The following NSDHL variants were observed in gnomAD, a reference collection of about 807,000 sequenced individuals.
NSDHL encodes sterol-4-alpha-carboxylate 3-dehydrogenase, decarboxylating.
In NSDHL, 1 loss-of-function variant was observed where a neutral mutation model predicts 23.0. That is an observed-to-expected ratio of 0.04 (90% CI 0.02 to 0.21). The LOEUF (loss-of-function observed/expected upper bound fraction) is 0.21, where lower values mean the gene tolerates loss of function less well. Ranked by LOEUF, NSDHL falls within the 10% of genes least tolerant of loss-of-function variation. The pLI, the probability that NSDHL is intolerant of heterozygous loss-of-function variation, is 1.00. For synonymous variants in NSDHL, 128 were observed against 121.1 expected (o/e 1.06, Z -0.37); for missense variants, 237 against 300.9 (o/e 0.79, Z 1.57).
intron 3 of NSDHL, among the ~76,000 whole-genome samples, chrX:152,854,223 C>T (rs1933404744): frequency 9.0e-6 from 1 of 110,666 alleles, no homozygotes; most frequent in South Asian, 3.8e-4. Flanking sequence ...ACTGCTCAGC[C>T]GCAAGCGTGG....
intron 5 of NSDHL, among the ~76,000 whole-genome samples, chrX:152,863,742 G>T (rs782757937): frequency 9.0e-6 from 1 of 111,114 alleles, no homozygotes; most frequent in South Asian, 3.8e-4. Flanking sequence ...GTGCTCCTGA[G>T]CCTGGGATAG....
At chrX:152,849,413 C>T (rs782311517) in intron 2 of NSDHL, among the ~76,000 whole-genome samples, 14 of 111,826 alleles carry the variant, frequency 1.3e-4, no homozygotes, top group African/African-American at 2.0e-4. Context: ...CCATAGCCAG[C>T]TTGTCTGGTG....
intron 5 of NSDHL, among the ~76,000 whole-genome samples, chrX:152,864,454 C>T (rs1242806224): frequency 1.8e-5 from 2 of 112,206 alleles, no homozygotes; most frequent in East Asian, 5.7e-4. Flanking sequence ...CCCAATATGC[C>T]TGATACTGAT....
intron 1 of NSDHL, among the ~76,000 whole-genome samples, chrX:152,835,966 G>C (rs1252522896): frequency 8.9e-6 from 1 of 112,140 alleles, no homozygotes; most frequent in Non-Finnish European, 1.9e-5. Flanking sequence ...AGTATCTGTT[G>C]TTTCCTGACT....
At chrX:152,864,472 A>G (rs902122935) in intron 5 of NSDHL, among the ~76,000 whole-genome samples, 27 of 112,120 alleles carry the variant, frequency 2.4e-4, no homozygotes, top group Non-Finnish European at 3.8e-5. Context: ...GATTGCCACC[A>G]GAGCTGAGCC....
intron 1 of NSDHL, among the ~76,000 whole-genome samples, chrX:152,839,728 T>A (rs200277089): frequency 8.9e-6 from 1 of 112,609 alleles, no homozygotes; most frequent in Non-Finnish European, 1.9e-5. Context: ...GGCTGCCCTT[T>A]ACATTTTTTC....
At chrX:152,832,263 T>C (rs1293061100) in intron 1 of NSDHL, among the ~76,000 whole-genome samples, 4 of 112,044 alleles carry the variant, frequency 3.6e-5, no homozygotes, top group Admixed American at 9.4e-5. Context: ...TACTTTTTTT[T>C]CCAACAGTTC....
intron 5 of NSDHL, among the ~76,000 whole-genome samples, chrX:152,864,820 C>T: frequency 8.9e-6 from 1 of 111,820 alleles, no homozygotes; most frequent in East Asian, 2.8e-4. Flanking sequence ...GGAGGGCCAG[C>T]TCTGGGAATC....
intron 7 of NSDHL, among the ~76,000 whole-genome samples, chrX:152,868,432 C>T (rs1933645827): frequency 1.8e-5 from 2 of 111,745 alleles, no homozygotes; most frequent in South Asian, 7.4e-4. Flanking sequence ...CGCGCCTGGC[C>T]CGGGTGTGGC....
rs1265793576 is a variant in NSDHL at position 152,848,518 on chromosome X, G to A, written c.109-1747G>A. On this transcript the variant is annotated intron_variant, in intron 2 of 7. Transcript: ENST00000370274. ...ATAATCCACGTCACATTGTCCAAGAGTAGCGTACTGATTAGTCACAATTAA... is the reference window on the plus strand; with the variant it reads ...ATAATCCACGTCACATTGTCCAAGAATAGCGTACTGATTAGTCACAATTAA... 2.7e-5 allele frequency among the ~76,000 whole-genome samples: 3 copies of A among 112,798 alleles called. No homozygotes were observed. In the East Asian group the frequency reaches 8.3e-4, roughly 31 times the overall value.
At chrX:152,846,245 G>C (rs1933271632) in intron 1 of NSDHL, 37 bp from the exon 2 acceptor site, 16 of 739,994 alleles carry the variant, frequency 2.2e-5, no homozygotes, top group Non-Finnish European at 3.2e-5. Flanking sequence ...TTTTGACTTA[G>C]GCAACATTAA....
At position 152,850,380 on chromosome X, in the gene NSDHL, A is replaced by G. The variant is rs1933337544; in HGVS notation, c.224A>G (p.Asn75Ser). 1 of 1,208,959 alleles carries G rather than the reference A, an allele frequency of 8.3e-7. No homozygotes were observed. The highest frequency in any genetic ancestry group is 2.2e-5 in the Admixed American group (1 of 45,723). Residue 75 changes from asparagine (N) to serine (S), a missense_variant, in exon 3 of 8, where the codon AAT becomes AGT. Transcript: ENST00000370274. ...NVFDIQQGFD[N>S]PQVRFFLGDL... ...TTTGATATCCAGCAAGGGTTTGATA[A>G]TCCCCAGGTGCGGTTCTTTCTGGGT...
intron 3 of NSDHL, among the ~76,000 whole-genome samples, chrX:152,858,099 G>A (rs1933470528): frequency 8.9e-6 from 1 of 111,808 alleles, no homozygotes; most frequent in African/African-American, 3.3e-5. Context: ...TCTTGCTTGT[G>A]GTCAAGCTGT....
rs373759160 is a variant in NSDHL at position 152,868,926 on chromosome X, T to C, written c.932T>C (p.Val311Ala). 4.1e-6 allele frequency: 5 copies of C among 1,212,133 alleles called. No homozygotes were observed. The highest frequency in any genetic ancestry group is 3.0e-5 in the East Asian group (1 of 33,844). ...CTGGCCCTCCTGCTATCCCTGCTGGTGATGGTGATCAGTCCTGTCATCCAG... is the reference window on the plus strand; with the variant it reads ...CTGGCCCTCCTGCTATCCCTGCTGGCGATGGTGATCAGTCCTGTCATCCAG... ...YYLALLLSLL[V>A]MVISPVIQLQ... The change falls in exon 8 of 8, where the codon GTG becomes GCG. Residue 311 changes from valine (V) to alanine (A), a missense_variant. Physicochemically the swap from Val to Ala is moderately conservative, Grantham distance 64. Around this residue, in one of 3 missense-constraint regions of NSDHL, gnomAD observed 117 missense variants for 99.5 expected, o/e 1.18. Transcript: ENST00000370274.
rs1556847651 is a variant in NSDHL at position 152,862,693 on chromosome X, A to G, written c.512A>G (p.Tyr171Cys). The change falls in exon 5 of 8, where the codon TAC becomes TGC. Residue 171 changes from tyrosine (Y) to cysteine (C), a missense_variant. Physicochemically the swap from Tyr to Cys is radical, Grantham distance 194. This residue lies in a region of NSDHL where 39 missense variants were observed against 98.1 expected (regional missense o/e 0.40). Transcript: ENST00000370274. ...CCCTATGCCATGAAACCCATTGACT[A>G]CTACACAGAGACTAAGATCTTACAG... ...DLPYAMKPID[Y>C]YTETKILQER... 1 of 1,208,545 alleles carries G rather than the reference A, an allele frequency of 8.3e-7. No homozygotes were observed. Among genetic ancestry groups the G allele is most frequent in the Non-Finnish European group, 1.1e-6 (1 of 892,628 alleles).
chrX:152,845,689 G>A (rs1933260723), intron 1 of NSDHL, among the ~76,000 whole-genome samples: 1 of 111,414 alleles, frequency 9.0e-6, no homozygotes. Flanking sequence ...TCCACGCATC[G>A]TCAGGGCGGC....
chrX:152,868,144 CTT>C (rs369750154), intron 7 of NSDHL, among the ~76,000 whole-genome samples: 3 of 98,223 alleles, frequency 3.1e-5, no homozygotes. Flanking sequence ...TTTTTTTTTT[CTT>C]TTTTTTTTTT....
At position 152,862,652 on chromosome X, in the gene NSDHL, T is replaced by C. The variant is rs1385207271; in HGVS notation, c.471T>C (p.Asn157=). 1 of 1,201,019 alleles carries C rather than the reference T, an allele frequency of 8.3e-7. No individual in the cohort carries two copies. Among genetic ancestry groups the C allele is most frequent in the African/African-American group, 1.8e-5 (1 of 56,908 alleles). Reference sequence around the variant, plus strand: ...TCTTTGAGGGCGTCGATATCAAGAATGGAACTGAAGACCTTCCCTATGCCA... The same window carrying C: ...TCTTTGAGGGCGTCGATATCAAGAACGGAACTGAAGACCTTCCCTATGCCA... ...SVIFEGVDIK[N]GTEDLPYAMK... Residue 157 remains asparagine, a synonymous_variant, in exon 5 of 8, where the codon AAT becomes AAC. Coordinates refer to ENST00000370274, the MANE Select transcript of NSDHL (RefSeq NM_015922.3).
intron 6 of NSDHL, among the ~76,000 whole-genome samples, 168 bp downstream of exon 6, chrX:152,866,129 G>A (rs1223755180): frequency 8.9e-6 from 1 of 112,607 alleles, no homozygotes. Flanking sequence ...AAACAACAGA[G>A]AGCTTGGAGG....
Sources: gnomAD v4.1 joint callset for allele counts (sites outside exome capture counted in the v4.1 genomes callset) on GRCh38, gnomAD v4.1.1 for gene constraint, gnomAD v4.1.1 regional missense constraint, MANE v1.5 for transcripts, NCBI Gene and HGNC (gene_info 2026-07-23, HGNC 2026-07-21) for gene names.